Variants in UIMC1 observed in about 807,000 individuals in gnomAD.
UIMC1 encodes ubiquitin interaction motif containing 1.
Under a neutral mutation model 84.9 loss-of-function variants are expected in UIMC1, and 42 were observed. That is an observed-to-expected ratio of 0.49 (90% CI 0.39 to 0.64). The LOEUF (loss-of-function observed/expected upper bound fraction) is 0.64, where lower values mean the gene tolerates loss of function less well. Ranked by LOEUF, UIMC1 falls within the 30% of genes least tolerant of loss-of-function variation. UIMC1 has a pLI of 0.00. For missense variants in UIMC1, 825 were observed against 847.6 expected, an observed-to-expected ratio of 0.97 and a Z score of 0.33; for synonymous variants, 281 against 293.0, an observed-to-expected ratio of 0.96 and a Z score of 0.42.
chr5:177,021,893 C>T (rs190342730), intron 1 of UIMC1, among the ~76,000 whole-genome samples: 18 of 152,222 alleles, frequency 1.2e-4, no homozygotes, highest in Admixed American at 1.0e-3. Flanking sequence ...TCAGGTGATC[C>T]GCCCCCCCTT....
At chr5:177,021,418 A>AGT (rs1456493292) in intron 1 of UIMC1, among the ~76,000 whole-genome samples, 2 of 152,194 alleles carry the variant, frequency 1.3e-5, no homozygotes, top group Non-Finnish European at 2.9e-5. Context: ...AAGGACATGA[A>AGT]GTGTGTGTGG....
At chr5:176,990,549 A>C (rs1378273274) in intron 1 of UIMC1, among the ~76,000 whole-genome samples, 1 of 152,194 alleles carries the variant, frequency 6.6e-6, no homozygotes, top group African/African-American at 2.4e-5. Flanking sequence ...TTCCTAAAAT[A>C]AATTAATTTT....
chr5:176,908,744 G>C, intron 11 of UIMC1, 50 bp from the exon 12 acceptor site: 2 of 1,571,616 alleles, frequency 1.3e-6, no homozygotes, highest in Non-Finnish European at 1.7e-6. Flanking sequence ...ATGTGCTTTT[G>C]CCTCTGGGCC....
rs1581619061 is a variant in UIMC1 at position 176,978,276 on chromosome 5, G to A, written c.148-2796C>T. Among the ~76,000 whole-genome samples the A allele has an allele frequency of 3.9e-5, 6 of 152,056 alleles. No homozygotes were observed. In the South Asian group the frequency reaches 1.2e-3, roughly 32 times the overall value. Reference sequence around the variant, plus strand: ...TAGTCCCAGCTACTCGCGAGGCTGAGGCAGGAGAATGGTGTAAACCCAGGA... The same window carrying A: ...TAGTCCCAGCTACTCGCGAGGCTGAAGCAGGAGAATGGTGTAAACCCAGGA... On this transcript the variant is annotated intron_variant, in intron 2 of 14. Coordinates refer to ENST00000511320, the MANE Select transcript of UIMC1 (RefSeq NM_001199298.2).
chr5:177,001,652 C>T (rs1774470523), intron 1 of UIMC1, among the ~76,000 whole-genome samples: 1 of 151,754 alleles, frequency 6.6e-6, no homozygotes, highest in Admixed American at 6.6e-5. Context: ...AAAGAATAAA[C>T]TGAGGGCCAG....
chr5:176,970,925 G>A (rs1282330972), intron 3 of UIMC1, 59 bp from the exon 4 acceptor site: 10 of 1,575,760 alleles, frequency 6.3e-6, no homozygotes, highest in Middle Eastern at 1.7e-4. Context: ...TAATCATGGA[G>A]GCAAGAAAGA....
chr5:176,958,187 A>G (rs1766853344), intron 6 of UIMC1, 33 bp from the exon 7 acceptor site: 3 of 1,576,398 alleles, frequency 1.9e-6, no homozygotes, highest in African/African-American at 1.3e-5. Context: ...TTAAATATAC[A>G]GGCACAGGTG....
chr5:176,934,240 A>G (rs574589828), intron 10 of UIMC1, among the ~76,000 whole-genome samples: 45 of 152,328 alleles, frequency 3.0e-4, no homozygotes, highest in Middle Eastern at 3.4e-3. Context: ...GAGATAAAAT[A>G]ATTTTATATA....
rs184438552 is a variant in UIMC1, at chr5:176,974,500, A to G, written c.232+896T>C. ...CGTAGTCAAAGATTTCTTAGGACATAGAAAGAAAAAAAACCATAAAAGAGA... is the reference window on the plus strand; with the variant it reads ...CGTAGTCAAAGATTTCTTAGGACATGGAAAGAAAAAAAACCATAAAAGAGA... On this transcript the variant is annotated intron_variant, in intron 3 of 14. Transcript: ENST00000511320. 1.4e-3 allele frequency among the ~76,000 whole-genome samples: 206 copies of G among 152,328 alleles called. 1 individual carries two copies. The highest frequency in any genetic ancestry group is 4.8e-3 in the African/African-American group (200 of 41,584).
At chr5:176,992,277 T>G (rs1772983778) in intron 1 of UIMC1, among the ~76,000 whole-genome samples, 1 of 152,180 alleles carries the variant, frequency 6.6e-6, no homozygotes, top group African/African-American at 2.4e-5. Context: ...TGGAAAAATT[T>G]TTATATTTTT....
upstream of UIMC1, among the ~76,000 whole-genome samples, chr5:177,008,961 C>G (rs551832015): frequency 6.6e-6 from 1 of 151,910 alleles, no homozygotes; most frequent in East Asian, 1.9e-4. Flanking sequence ...AAAGACCTGT[C>G]TAAGCTGTGT....
At chr5:176,919,005 A>G (rs931421609) in intron 10 of UIMC1, among the ~76,000 whole-genome samples, 9 of 152,176 alleles carry the variant, frequency 5.9e-5, no homozygotes, top group African/African-American at 2.2e-4. Flanking sequence ...TCATTCTTCC[A>G]TCCTCCCAGG....
At chr5:176,997,610 A>G (rs353475) in intron 1 of UIMC1, among the ~76,000 whole-genome samples, 86,657 of 149,518 alleles carry the variant, frequency 0.58, 26,750 homozygotes, top group African/African-American at 0.81. Context: ...CCGTGAACCC[A>G]GGAGACGGAG....
chr5:176,988,284 GA>G (rs1421168707), intron 1 of UIMC1, among the ~76,000 whole-genome samples: 1 of 152,048 alleles, frequency 6.6e-6, no homozygotes, highest in Non-Finnish European at 1.5e-5. Flanking sequence ...GGAGAAACTG[GA>G]ACTCTAGTAC....
At chr5:176,953,859 A>T (rs1766236327) in intron 8 of UIMC1, among the ~76,000 whole-genome samples, 1 of 152,206 alleles carries the variant, frequency 6.6e-6, no homozygotes, top group Non-Finnish European at 1.5e-5. Flanking sequence ...ATGAAACAAA[A>T]GTAAACAGGT....
chr5:177,007,420 A>G (rs1485001397), upstream of UIMC1, among the ~76,000 whole-genome samples: 1 of 152,160 alleles, frequency 6.6e-6, no homozygotes, highest in Non-Finnish European at 1.5e-5. Context: ...GACATGTTCA[A>G]GGAGGCCAGC....
At chr5:177,002,326 T>C (rs1331939343) in intron 1 of UIMC1, among the ~76,000 whole-genome samples, 1 of 151,876 alleles carries the variant, frequency 6.6e-6, no homozygotes, top group Non-Finnish European at 1.5e-5. Flanking sequence ...AATTAACCTC[T>C]GGTGATCCAA....
At chr5:176,912,722 A>G (rs1760411149) in intron 10 of UIMC1, among the ~76,000 whole-genome samples, 1 of 151,816 alleles carries the variant, frequency 6.6e-6, no homozygotes, top group Admixed American at 6.6e-5. Context: ...CTGGAATGCA[A>G]TGGCACAATC....
intron 10 of UIMC1, among the ~76,000 whole-genome samples, chr5:176,925,824 G>C (rs980565937): frequency 1.3e-5 from 2 of 152,278 alleles, no homozygotes; most frequent in Admixed American, 1.3e-4. Flanking sequence ...TCCGTGTCTT[G>C]ATAGGTATAC....
Sources: gnomAD v4.1 joint callset for allele counts (sites outside exome capture counted in the v4.1 genomes callset) on GRCh38, gnomAD v4.1.1 for gene constraint, MANE v1.5 for transcripts, NCBI Gene and HGNC (gene_info 2026-07-23, HGNC 2026-07-21) for gene names.